Variants in ALCAM observed in about 807,000 individuals in gnomAD.
The protein encoded by ALCAM is activated leukocyte cell adhesion molecule.
Under a neutral mutation model 70.9 loss-of-function variants are expected in ALCAM, and 30 were observed. That is an observed-to-expected ratio of 0.42 (90% CI 0.32 to 0.57). The LOEUF is 0.57. Ranked by LOEUF, ALCAM falls within the 20% of genes least tolerant of loss-of-function variation. The pLI is 0.11. For missense variants in ALCAM, 591 were observed against 695.1 expected, an observed-to-expected ratio of 0.85 and a Z score of 1.68; for synonymous variants, 249 against 242.5, an observed-to-expected ratio of 1.03 and a Z score of -0.25.
At chr3:105,422,178 T>C (rs1936666849) in intron 1 of ALCAM, among the ~76,000 whole-genome samples, 1 of 151,432 alleles carries the variant, frequency 6.6e-6, no homozygotes. Context: ...TTTACGTTGC[T>C]TTCTGTGGGT....
chr3:105,552,895 C>T (rs1940443570), intron 14 of ALCAM: 3 of 1,093,968 alleles, frequency 2.7e-6, no homozygotes, highest in Non-Finnish European at 3.3e-6. Context: ...GGTCAACAAC[C>T]ATAGACTTTT....
At chr3:105,435,787 G>T (rs976104529) in intron 1 of ALCAM, among the ~76,000 whole-genome samples, 12 of 151,920 alleles carry the variant, frequency 7.9e-5, no homozygotes, top group South Asian at 2.1e-4. Context: ...GTTTTTTTTT[G>T]TTTGTTTGTT....
chr3:105,534,982 T>C (rs1939934092), intron 6 of ALCAM, 137 bp downstream of exon 6: 2 of 744,130 alleles, frequency 2.7e-6, no homozygotes, highest in South Asian at 3.9e-5. Context: ...GGCACCCAAA[T>C]AATCTCTTCC....
intron 1 of ALCAM, among the ~76,000 whole-genome samples, chr3:105,449,361 C>T (rs942032337): frequency 6.6e-6 from 1 of 152,134 alleles, no homozygotes; most frequent in African/African-American, 2.4e-5. Flanking sequence ...TGAAGAAATA[C>T]AGGCACGTTC....
intron 4 of ALCAM, among the ~76,000 whole-genome samples, chr3:105,532,982 C>T (rs1939877229): frequency 6.6e-6 from 1 of 152,090 alleles, no homozygotes; most frequent in Non-Finnish European, 1.5e-5. Context: ...AGTTGGAGTT[C>T]CATATTGAAT....
intron 1 of ALCAM, among the ~76,000 whole-genome samples, chr3:105,381,304 A>C (rs909377582): frequency 1.3e-5 from 2 of 151,992 alleles, no homozygotes; most frequent in African/African-American, 4.8e-5. Context: ...TACATAAAGA[A>C]GAGAGGCCAC....
At chr3:105,401,792 A>T (rs958465398) in intron 1 of ALCAM, among the ~76,000 whole-genome samples, 1 of 152,188 alleles carries the variant, frequency 6.6e-6, no homozygotes, top group Admixed American at 6.5e-5. Flanking sequence ...GAAGCAAAGT[A>T]AACTCCTCTA....
Position 105,435,162 on chromosome 3 carries a change from T to C in ALCAM, c.73+67681T>C, listed in dbSNP as rs115362744. Among the ~76,000 whole-genome samples, 1,298 of 152,332 alleles carry C rather than the reference T, an allele frequency of 8.5e-3. 19 individuals are homozygous for C. The highest frequency in any genetic ancestry group is 0.029 in the African/African-American group (1,211 of 41,582). The stretch of plus-strand genomic sequence containing the variant: ...TAATACATGATCACTTTCTAAAATA[T>C]GTATTTTTTTATCTGTTTCTAAACC... On this transcript the variant is annotated intron_variant, in intron 1 of 15. Transcript: ENST00000306107.
chr3:105,570,661 G>A (rs1940841284), intron 14 of ALCAM, among the ~76,000 whole-genome samples: 2 of 152,152 alleles, frequency 1.3e-5, no homozygotes, highest in Non-Finnish European at 2.9e-5. Context: ...TAAATACATT[G>A]TGGTTTATTC....
intron 11 of ALCAM, 140 bp downstream of exon 11, chr3:105,547,663 G>A: frequency 9.8e-7 from 1 of 1,021,964 alleles, no homozygotes; most frequent in Non-Finnish European, 1.4e-6. Context: ...AGAATTTGCA[G>A]TACATGCTCA....
At chr3:105,371,020 A>G (rs911291976) in intron 1 of ALCAM, among the ~76,000 whole-genome samples, 17 of 152,150 alleles carry the variant, frequency 1.1e-4, no homozygotes, top group Admixed American at 2.6e-4. Flanking sequence ...GAAAATACTA[A>G]TATTTTTCTA....
At chr3:105,504,601 A>G (rs1025596421) in intron 1 of ALCAM, among the ~76,000 whole-genome samples, 5 of 152,120 alleles carry the variant, frequency 3.3e-5, no homozygotes, top group African/African-American at 1.2e-4. Flanking sequence ...GGTGCCTGTC[A>G]ATACATACCT....
At chr3:105,402,579 G>C (rs1160774877) in intron 1 of ALCAM, among the ~76,000 whole-genome samples, 1 of 152,144 alleles carries the variant, frequency 6.6e-6, no homozygotes, top group African/African-American at 2.4e-5. Context: ...AGGTGTGCAG[G>C]CTGCATGGGA....
chr3:105,480,435 T>TTTG (rs1412412308), intron 1 of ALCAM, among the ~76,000 whole-genome samples: 6 of 152,210 alleles, frequency 3.9e-5, no homozygotes, highest in South Asian at 2.1e-4. Context: ...TGCTGGAGTG[T>TTTG]TTGTGTGTCA....
chr3:105,567,615 TTCAG>T (rs1940771625), intron 14 of ALCAM, among the ~76,000 whole-genome samples: 1 of 152,206 alleles, frequency 6.6e-6, no homozygotes, highest in Non-Finnish European at 1.5e-5. Flanking sequence ...TATTCTAGTT[TTCAG>T]TCATAGAATT....
chr3:105,570,657 C>T (rs968148043), intron 14 of ALCAM, among the ~76,000 whole-genome samples: 1 of 152,156 alleles, frequency 6.6e-6, no homozygotes, highest in Non-Finnish European at 1.5e-5. Flanking sequence ...TAAATAAATA[C>T]ATTGTGGTTT....
intron 1 of ALCAM, among the ~76,000 whole-genome samples, chr3:105,374,924 G>T (rs959774783): frequency 2.0e-5 from 3 of 152,150 alleles, no homozygotes; most frequent in African/African-American, 7.2e-5. Flanking sequence ...CCAATAAGCT[G>T]GTTTATGAGT....
intron 1 of ALCAM, among the ~76,000 whole-genome samples, chr3:105,443,170 G>C (rs933550094): frequency 2.0e-4 from 31 of 152,148 alleles, no homozygotes; most frequent in Admixed American, 2.0e-3. Flanking sequence ...AAGAGATCAA[G>C]TACACCATTA....
intron 6 of ALCAM, among the ~76,000 whole-genome samples, chr3:105,539,045 G>A (rs565540217): frequency 2.0e-5 from 3 of 152,160 alleles, no homozygotes; most frequent in African/African-American, 7.2e-5. Flanking sequence ...GGTTTTCATA[G>A]ATAATTTTTA....
Sources: gnomAD v4.1 joint callset for allele counts (sites outside exome capture counted in the v4.1 genomes callset) on GRCh38, gnomAD v4.1.1 for gene constraint, MANE v1.5 for transcripts, NCBI Gene and HGNC (gene_info 2026-07-23, HGNC 2026-07-21) for gene names.